CD36: variants seen among roughly 807,000 people sequenced by gnomAD.
The protein encoded by CD36 is platelet glycoprotein 4.
CD36 carries 119 observed loss-of-function variants against 55.2 expected under a neutral mutation model. That is an observed-to-expected ratio of 2.15 (90% CI 1.86 to 2.51). The LOEUF (loss-of-function observed/expected upper bound fraction) is 2.51, where lower values mean the gene tolerates loss of function less well. CD36 is among the 30% of genes most tolerant of loss of function. The pLI is 0.00. For synonymous variants in CD36, 186 were observed against 193.6 expected (o/e 0.96, Z 0.33); for missense variants, 819 against 555.5 (o/e 1.47, Z -4.77).
intron 1 of CD36, among the ~76,000 whole-genome samples, chr7:80,630,036 A>G (rs1793984423): frequency 6.6e-6 from 1 of 152,072 alleles, no homozygotes; most frequent in Admixed American, 6.6e-5. Flanking sequence ...CCAGGGAAAA[A>G]TTAGTAAATA....
chr7:80,630,288 A>G (rs1470556429), intron 1 of CD36, among the ~76,000 whole-genome samples: 3 of 152,068 alleles, frequency 2.0e-5, no homozygotes, highest in Non-Finnish European at 2.9e-5. Context: ...TAAAAGGAGT[A>G]GAAGAGCTAA....
chr7:80,670,552 T>C (rs965158494), intron 9 of CD36: 1 of 233,012 alleles, frequency 4.3e-6, no homozygotes, highest in Non-Finnish European at 8.5e-6. Context: ...TTGAACCCTA[T>C]GATAGACACT....
At chr7:80,623,203 A>G (rs924459587) in intron 1 of CD36, among the ~76,000 whole-genome samples, 1 of 152,168 alleles carries the variant, frequency 6.6e-6, no homozygotes, top group African/African-American at 2.4e-5. Context: ...GACCAGCTCT[A>G]GAATGAATGT....
rs529392892 is a variant in CD36, at chr7:80,669,569, T to TATC, written c.749-383_749-381dup. Reference sequence around the variant, plus strand: ...CAGGATAGCTGGGATTACGAGCGCCTATCTCAGGATAGCTGAGGCAGGCCT... The same window carrying TATC: ...CAGGATAGCTGGGATTACGAGCGCCTATCATCTCAGGATAGCTGAGGCAGGCCT... On this transcript the variant is annotated intron_variant, in intron 8 of 14. Transcript: ENST00000447544. Among the ~76,000 whole-genome samples, 316 of 152,112 alleles carry TATC rather than the reference T, an allele frequency of 2.1e-3. 6 individuals carry two copies. The highest frequency in any genetic ancestry group is 1.6e-3 in the East Asian group (8 of 5,150).
intron 1 of CD36, among the ~76,000 whole-genome samples, chr7:80,632,043 A>C (rs1794099569): frequency 6.6e-6 from 1 of 151,900 alleles, no homozygotes; most frequent in Admixed American, 6.6e-5. Context: ...GTCTCTTGGA[A>C]GAGCTTCAGA....
rs373811940 is a variant in CD36 at position 80,673,353 on chromosome 7, A to G, written c.1200-2A>G. 2.2e-5 allele frequency: 30 copies of G among 1,362,910 alleles called. No individual in the cohort carries two copies. Among genetic ancestry groups the G allele is most frequent in the Middle Eastern group, 1.9e-4 (1 of 5,330 alleles). 84.4% of individuals were successfully genotyped at this position (1,362,910 alleles called of 1,614,324 possible). On this transcript the variant is annotated splice_acceptor_variant, in intron 12 of 14. Transcript: ENST00000447544. LOFTEE classifies it high-confidence loss of function. Reference sequence around the variant, plus strand: ...CATAATTATTTTCAACGTATATTACAGAGTATTAAAGAATCTGAAGAGGAA... The same window carrying G: ...CATAATTATTTTCAACGTATATTACGGAGTATTAAAGAATCTGAAGAGGAA...
chr7:80,620,079 G>A (rs1014463764), intron 1 of CD36, among the ~76,000 whole-genome samples: 2 of 152,026 alleles, frequency 1.3e-5, no homozygotes, highest in African/African-American at 4.8e-5. Flanking sequence ...CTGTTGACAT[G>A]ATGTGTAGGG....
At chr7:80,613,740 A>T (rs1332309461) in intron 1 of CD36, among the ~76,000 whole-genome samples, 2 of 152,156 alleles carry the variant, frequency 1.3e-5, no homozygotes, top group Non-Finnish European at 2.9e-5. Flanking sequence ...TGATTCTTAA[A>T]TTTGAATAGT....
At chr7:80,618,104 G>A (rs935087635) in intron 1 of CD36, among the ~76,000 whole-genome samples, 5 of 152,064 alleles carry the variant, frequency 3.3e-5, no homozygotes, top group African/African-American at 1.2e-4. Flanking sequence ...AGATTATAGT[G>A]TGATATATAT....
chr7:80,616,045 A>G (rs537325206), intron 1 of CD36, among the ~76,000 whole-genome samples: 1 of 152,278 alleles, frequency 6.6e-6, no homozygotes, highest in Admixed American at 6.5e-5. Flanking sequence ...AGGCAATAGG[A>G]GATCTTGTTG....
At chr7:80,637,356 A>G (rs886567959), upstream of CD36, among the ~76,000 whole-genome samples, 3 of 152,064 alleles carry the variant, frequency 2.0e-5, no homozygotes, top group Non-Finnish European at 4.4e-5. Context: ...CTTAAGTTTC[A>G]TGAAATCACT....
At chr7:80,623,601 T>G in intron 1 of CD36, among the ~76,000 whole-genome samples, 1 of 152,364 alleles carries the variant, frequency 6.6e-6, no homozygotes, top group East Asian at 1.9e-4. Flanking sequence ...TCTTTCATAT[T>G]GCAAAATAAA....
intron 1 of CD36, among the ~76,000 whole-genome samples, chr7:80,645,586 C>T (rs1795108765): frequency 6.6e-6 from 1 of 151,862 alleles, no homozygotes; most frequent in African/African-American, 2.4e-5. Flanking sequence ...GAGCCGAGAT[C>T]GTGCCACTGC....
rs368789777 is a variant in CD36, at chr7:80,661,182, A to T, written c.401A>T (p.Asn134Ile). The T allele has an allele frequency of 3.0e-5, 49 of 1,614,094 alleles. No homozygotes were observed. Among genetic ancestry groups the T allele is most frequent in the Non-Finnish European group, 4.1e-5 (48 of 1,179,966 alleles). ...PSLSVGTEAD[N>I]FTVLNLAVAA... ...CTATCAGTTGGAACAGAGGCTGACA[A>T]CTTCACAGTTCTCAATCTGGCTGTG... Residue 134 changes from asparagine (N) to isoleucine (I), a missense_variant, in exon 5 of 15, where the codon AAC becomes ATC. Coordinates refer to ENST00000447544, the MANE Select transcript of CD36 (RefSeq NM_001001548.3).
At chr7:80,644,463 A>G (rs1795015654) in intron 1 of CD36, among the ~76,000 whole-genome samples, 1 of 152,224 alleles carries the variant, frequency 6.6e-6, no homozygotes, top group Admixed American at 6.5e-5. Context: ...CCTATGTATA[A>G]GGGAATAGGC....
chr7:80,616,728 T>C (rs1362111271), intron 1 of CD36, among the ~76,000 whole-genome samples: 2 of 152,168 alleles, frequency 1.3e-5, no homozygotes, highest in Non-Finnish European at 2.9e-5. Context: ...CAGCTTGGAA[T>C]CATCCTTAGG....
At position 80,615,264 on chromosome 7, in the gene CD36, C is replaced by T. The variant is rs142404537; in HGVS notation, c.-184+12885C>T. Among the ~76,000 whole-genome samples, 609 of 152,236 alleles carry T rather than the reference C, an allele frequency of 4.0e-3. 18 individuals carry two copies. Among genetic ancestry groups the T allele is most frequent in the Admixed American group, 0.036 (550 of 15,294 alleles). On this transcript the variant is annotated intron_variant, in intron 1 of 13. Coordinates refer to the CD36 transcript ENST00000309881. The stretch of plus-strand genomic sequence containing the variant: ...ATGTGACCTTTTAAAAGTACAAACT[C>T]GTATCCTGTCACTCCTCCAACTTAT...
chr7:80,621,187 A>AT (rs1414781199), intron 1 of CD36, among the ~76,000 whole-genome samples: 1 of 152,162 alleles, frequency 6.6e-6, no homozygotes, highest in African/African-American at 2.4e-5. Context: ...AAGTATGTAC[A>AT]TTTTTTAATG....
chr7:80,664,311 A>C, intron 6 of CD36, 95 bp from the exon 7 acceptor site: 2 of 755,436 alleles, frequency 2.6e-6, no homozygotes, highest in South Asian at 1.4e-5. Flanking sequence ...TCATTTGAGT[A>C]ACCAGTGATT....
Sources: allele counts gnomAD v4.1 joint callset (sites outside exome capture counted in the v4.1 genomes callset), GRCh38; gene constraint gnomAD v4.1.1; transcripts MANE v1.5; gene names NCBI Gene and HGNC (gene_info 2026-07-23, HGNC 2026-07-21).